The following ANO4 variants were observed in gnomAD, a reference collection of about 807,000 sequenced individuals.
ANO4 encodes the protein anoctamin 4, also known as anoctamin-4.
A neutral mutation model predicts 141.9 loss-of-function variants in ANO4; 69 were observed. That is an observed-to-expected ratio of 0.49 (90% CI 0.40 to 0.59). ANO4 has a LOEUF of 0.59. ANO4 is among the 20% of genes least tolerant of loss of function. The pLI, the probability that ANO4 is intolerant of heterozygous loss-of-function variation, is 0.00. For synonymous variants in ANO4, 350 were observed against 394.3 expected (o/e 0.89, Z 1.33); for missense variants, 894 against 1,162.2 (o/e 0.77, Z 3.36).
At chr12:101,097,142 G>T (rs746460878) in intron 19 of ANO4, among the ~76,000 whole-genome samples, 2 of 152,046 alleles carry the variant, frequency 1.3e-5, no homozygotes, top group Admixed American at 6.6e-5. Flanking sequence ...TGGTAATGTC[G>T]CATGAATTCC....
intron 1 of ANO4, among the ~76,000 whole-genome samples, chr12:100,804,344 T>G (rs2135674968): frequency 6.6e-6 from 1 of 152,334 alleles, no homozygotes; most frequent in East Asian, 1.9e-4. Context: ...CTTTAGCCAG[T>G]CTATCTTTGA....
intron 7 of ANO4, among the ~76,000 whole-genome samples, chr12:100,980,122 G>A (rs191349719): frequency 2.6e-5 from 4 of 152,056 alleles, no homozygotes; most frequent in South Asian, 2.1e-4. Flanking sequence ...TACTTCTAGC[G>A]CACACATCAC....
chr12:100,842,595 A>G (rs2037331856), intron 1 of ANO4, among the ~76,000 whole-genome samples: 1 of 152,100 alleles, frequency 6.6e-6, no homozygotes, highest in Non-Finnish European at 1.5e-5. Context: ...AATACCTTAG[A>G]CTGGGTAATA....
rs2050869417 is a variant in ANO4, at chr12:101,116,751, T to C, written c.2523T>C (p.Pro841=). 4 of 1,614,130 alleles carry C rather than the reference T, an allele frequency of 2.5e-6. No individual in the cohort carries two copies. Among genetic ancestry groups the C allele is most frequent in the Admixed American group, 1.7e-5 (1 of 60,014 alleles). ...RISDFENRSE[P]ESDGSEFSGT... is the part of the protein sequence containing the mutation. ...CTGACTTTGAGAACCGATCTGAGCC[T>C]GAATCTGATGGCAGTGAGTTCTCGG... is the stretch of plus-strand genomic sequence containing the variant. The change falls in exon 25 of 28, where the codon CCT becomes CCC. Residue 841 remains proline, a synonymous_variant. Transcript: ENST00000392977.
intron 3 of ANO4, among the ~76,000 whole-genome samples, chr12:100,927,758 T>A (rs559744626): frequency 6.6e-6 from 1 of 152,268 alleles, no homozygotes; most frequent in African/African-American, 2.4e-5. Context: ...CCTCTTGTTT[T>A]GCTCCTAGTT....
chr12:101,009,439 A>C (rs1351458093), intron 8 of ANO4, among the ~76,000 whole-genome samples: 1 of 152,100 alleles, frequency 6.6e-6, no homozygotes, highest in Non-Finnish European at 1.5e-5. Flanking sequence ...AATGAAGTAT[A>C]TGTTCATTAT....
At chr12:100,772,842 G>A (rs573423677) in intron 3 of ANO4, among the ~76,000 whole-genome samples, 1 of 152,262 alleles carries the variant, frequency 6.6e-6, no homozygotes, top group East Asian at 1.9e-4. Flanking sequence ...TAAGGAAGAT[G>A]TAAAAAATCA....
chr12:100,777,512 T>G lies in ANO4; in HGVS notation c.358+37407T>G, dbSNP rs190791708. On this transcript the variant is annotated intron_variant, in intron 3 of 29. Coordinates refer to the ANO4 transcript ENST00000644049. ...TGAGAAGGAGGCAGCCCTTAGAAAC[T>G]CCCCTTGGCTGGGAGACACAGCCCG... is the stretch of plus-strand genomic sequence containing the variant. Among the ~76,000 whole-genome samples the G allele has an allele frequency of 3.7e-4, 57 of 152,016 alleles. No individual in the cohort carries two copies. The East Asian group carries it at 6.0e-3, about 16-fold the overall frequency.
intron 3 of ANO4, among the ~76,000 whole-genome samples, chr12:100,929,388 C>G (rs1258441718): frequency 3.9e-5 from 6 of 152,090 alleles, no homozygotes; most frequent in African/African-American, 1.4e-4. Flanking sequence ...CTGTGCCTGG[C>G]TCATTTCACT....
Position 100,960,356 on chromosome 12 carries a change from A to G in ANO4, c.457-10950A>G, listed in dbSNP as rs116709851. ...TATGAGTTGAGGTATAACCTATCAGATTTCTCTGTTATTAAAAATCATAAG... is the reference window on the plus strand; with the variant it reads ...TATGAGTTGAGGTATAACCTATCAGGTTTCTCTGTTATTAAAAATCATAAG... On this transcript the variant is annotated intron_variant, in intron 5 of 27. Transcript: ENST00000392977. 9.9e-3 allele frequency among the ~76,000 whole-genome samples: 1,511 copies of G among 152,262 alleles called. 26 individuals are homozygous for G. Among genetic ancestry groups the G allele is most frequent in the African/African-American group, 0.034 (1,433 of 41,546 alleles).
chr12:101,041,413 A>G (rs780119698), intron 11 of ANO4, among the ~76,000 whole-genome samples: 6 of 152,218 alleles, frequency 3.9e-5, no homozygotes, highest in Non-Finnish European at 7.3e-5. Context: ...GGAAAAACAA[A>G]AGTAAATTCT....
At position 100,956,890 on chromosome 12, in the gene ANO4, C is replaced by T. The variant is rs191589213; in HGVS notation, c.456+14355C>T. Among the ~76,000 whole-genome samples, 584 of 152,278 alleles carry T rather than the reference C, an allele frequency of 3.8e-3. 4 individuals are homozygous for T. The highest frequency in any genetic ancestry group is 0.013 in the African/African-American group (550 of 41,558). On this transcript the variant is annotated intron_variant, in intron 5 of 27. Transcript: ENST00000392977. ...ACTTAGTTGACAGAACACAGTTAAGCCATCAATTAAGTACTGAATTTTAGT... is the reference window on the plus strand; with the variant it reads ...ACTTAGTTGACAGAACACAGTTAAGTCATCAATTAAGTACTGAATTTTAGT...
chr12:100,790,168 A>G (rs541550781), upstream of ANO4, among the ~76,000 whole-genome samples: 1 of 152,340 alleles, frequency 6.6e-6, no homozygotes, highest in South Asian at 2.1e-4. Flanking sequence ...CAACAGGTGT[A>G]ACCAGGGCAT....
chr12:101,121,912 C>A (rs1369202754), intron 26 of ANO4, among the ~76,000 whole-genome samples: 4 of 152,078 alleles, frequency 2.6e-5, no homozygotes, highest in South Asian at 2.1e-4. Flanking sequence ...CAGGCACCCG[C>A]TACCACACCT....
At chr12:100,808,038 A>G (rs1405713516) in intron 1 of ANO4, among the ~76,000 whole-genome samples, 2 of 152,124 alleles carry the variant, frequency 1.3e-5, no homozygotes, top group African/African-American at 2.4e-5. Flanking sequence ...ACATGCATGT[A>G]TCTTTATGGT....
rs1421729453 is a variant in ANO4, at chr12:100,741,702, G to A, written c.358+1597G>A. On this transcript the variant is annotated intron_variant, in intron 3 of 29. Coordinates refer to the ANO4 transcript ENST00000644049. ...CCTTGTTGAAGGTCAGTTTGACAGC[G>A]GAAAGAAATCACTATCTGGGGCTTG... 5.9e-5 allele frequency among the ~76,000 whole-genome samples: 9 copies of A among 152,256 alleles called. 1 individual carries two copies. The East Asian group carries it at 7.7e-4, about 13-fold the overall frequency.
chr12:100,781,750 T>C (rs2033717849), intron 3 of ANO4, among the ~76,000 whole-genome samples: 1 of 152,200 alleles, frequency 6.6e-6, no homozygotes, highest in African/African-American at 2.4e-5. Flanking sequence ...CTGCCATGGA[T>C]GCATGTTTTG....
chr12:100,904,536 G>T (rs2040747532), intron 2 of ANO4, among the ~76,000 whole-genome samples: 1 of 152,110 alleles, frequency 6.6e-6, no homozygotes, highest in Non-Finnish European at 1.5e-5. Context: ...CTTCATTCCA[G>T]CAGAGGGACA....
At chr12:100,736,913 C>T (rs766397905) in intron 2 of ANO4, among the ~76,000 whole-genome samples, 6 of 152,126 alleles carry the variant, frequency 3.9e-5, no homozygotes, top group Non-Finnish European at 5.9e-5. Flanking sequence ...TAGCACAGCC[C>T]TGCTGACACC....
Sources: gnomAD v4.1 joint callset for allele counts (sites outside exome capture counted in the v4.1 genomes callset) on GRCh38, gnomAD v4.1.1 for gene constraint, MANE v1.5 for transcripts, NCBI Gene and HGNC (gene_info 2026-07-23, HGNC 2026-07-21) for gene names.